ZC3H15: variants seen among roughly 807,000 people sequenced by gnomAD.
The protein encoded by ZC3H15 is zinc finger CCCH-type containing 15, also known as zinc finger CCCH domain-containing protein 15.
ZC3H15 carries 15 observed loss-of-function variants against 51.2 expected under a neutral mutation model. That is an observed-to-expected ratio of 0.29 (90% CI 0.20 to 0.45). ZC3H15 has a LOEUF of 0.45. ZC3H15 is among the 20% of genes least tolerant of loss of function. ZC3H15 has a pLI of 1.00. For missense variants in ZC3H15, 381 were observed against 494.7 expected (o/e 0.77, Z 2.18); for synonymous variants, 144 against 162.8 (o/e 0.88, Z 0.88).
At chr2:186,503,285 C>G (rs1414313581) in intron 5 of ZC3H15, among the ~76,000 whole-genome samples, 1 of 152,192 alleles carries the variant, frequency 6.6e-6, no homozygotes, top group Non-Finnish European at 1.5e-5. Context: ...TGAAGGGTCA[C>G]TCTCTTTGTG....
At chr2:186,506,508 G>C (rs561198210) in intron 8 of ZC3H15, among the ~76,000 whole-genome samples, 1 of 152,110 alleles carries the variant, frequency 6.6e-6, no homozygotes, top group African/African-American at 2.4e-5. Context: ...GCTCAGGCTG[G>C]TCTCAAACTC....
chr2:186,499,248 T>G (rs998471751), intron 2 of ZC3H15, among the ~76,000 whole-genome samples: 4 of 152,106 alleles, frequency 2.6e-5, no homozygotes, highest in Non-Finnish European at 4.4e-5. Context: ...TCTACAAAAC[T>G]TGCCCTCTTG....
rs779132462 is a variant in ZC3H15, at chr2:186,505,778, G to A, written c.903G>A (p.Leu301=). The change falls in exon 8 of 10, where the codon CTG becomes CTA. Residue 301 remains leucine (L), a synonymous_variant. Coordinates refer to ENST00000337859, the MANE Select transcript of ZC3H15 (RefSeq NM_018471.3). ...GREVFEFRPE[L]VNDDDEEADD... ...AAGTGTTTGAATTTCGTCCTGAACT[G>A]GTCAATGATGATGATGAGGAAGCAG... is the stretch of plus-strand genomic sequence containing the variant. The A allele has an allele frequency of 1.8e-5, 29 of 1,613,932 alleles. No homozygotes were observed. The highest frequency in any genetic ancestry group is 2.5e-5 in the Non-Finnish European group (29 of 1,179,996).
intron 5 of ZC3H15, among the ~76,000 whole-genome samples, chr2:186,503,042 C>G (rs761559601): frequency 5.9e-5 from 9 of 151,978 alleles, no homozygotes; most frequent in African/African-American, 9.7e-5. Flanking sequence ...GCTCTAATTC[C>G]AGGAAATGTA....
chr2:186,501,277 A>C lies in ZC3H15; in HGVS notation c.294A>C (p.Ala98=). Residue 98 remains alanine, a synonymous_variant, in exon 4 of 10, where the codon GCA becomes GCC. Coordinates refer to ENST00000337859, the MANE Select transcript of ZC3H15 (RefSeq NM_018471.3). ...ACCATATGCCATTTGACATAGGTGC[A>C]GATCCCAAGTCTGTAGTATGTGCAT... ...VVAAQKISKG[A]DPKSVVCAFF... is the part of the protein sequence containing the mutation. 1 of 1,604,700 alleles carries C rather than the reference A, an allele frequency of 6.2e-7. No individual in the cohort carries two copies. The highest frequency in any genetic ancestry group is 8.5e-7 in the Non-Finnish European group (1 of 1,175,664).
intron 4 of ZC3H15, 58 bp downstream of exon 4, chr2:186,501,483 C>A: frequency 1.4e-6 from 2 of 1,391,680 alleles, no homozygotes; most frequent in East Asian, 2.3e-5. Flanking sequence ...CGGTTTGCTA[C>A]TAAGATATTT....
intron 1 of ZC3H15, among the ~76,000 whole-genome samples, chr2:186,488,163 T>G (rs1238126109): frequency 6.6e-6 from 1 of 152,148 alleles, no homozygotes; most frequent in Non-Finnish European, 1.5e-5. Flanking sequence ...ATATATTATT[T>G]TTTTAATTTA....
At chr2:186,492,723 G>GT (rs1224248751) in intron 1 of ZC3H15, among the ~76,000 whole-genome samples, 1 of 152,026 alleles carries the variant, frequency 6.6e-6, no homozygotes, top group African/African-American at 2.4e-5. Context: ...CAGTACTATT[G>GT]TTTTCTTTTT....
chr2:186,493,143 G>T (rs1169657091), intron 1 of ZC3H15, among the ~76,000 whole-genome samples: 1 of 151,880 alleles, frequency 6.6e-6, no homozygotes, highest in Non-Finnish European at 1.5e-5. Context: ...ACTCAACAAT[G>T]GGAAGCACTA....
chr2:186,505,236 C>G (rs1415746726), intron 6 of ZC3H15: 1 of 322,834 alleles, frequency 3.1e-6, no homozygotes, highest in Non-Finnish European at 5.3e-6. Context: ...GAGAAGAAAT[C>G]TAGCTCAGAA....
chr2:186,495,728 G>C (rs901839676), intron 2 of ZC3H15, among the ~76,000 whole-genome samples: 1 of 152,198 alleles, frequency 6.6e-6, no homozygotes, highest in Non-Finnish European at 1.5e-5. Flanking sequence ...AAGGGAAATG[G>C]ATTTCTAATT....
At chr2:186,507,615 G>GT (rs774484097) in intron 9 of ZC3H15, 56 of 349,784 alleles carry the variant, frequency 1.6e-4, no homozygotes, top group Admixed American at 4.0e-4. Flanking sequence ...CTTGAGTTAG[G>GT]TACTTGAAGA....
chr2:186,494,939 A>C (rs1685258173), intron 1 of ZC3H15, among the ~76,000 whole-genome samples: 1 of 152,140 alleles, frequency 6.6e-6, no homozygotes, highest in South Asian at 2.1e-4. Context: ...CACGTTGTAC[A>C]CATGTACCCT....
intron 1 of ZC3H15, chr2:186,488,764 A>G (rs545758422): frequency 3.9e-5 from 6 of 152,224 alleles, no homozygotes; most frequent in East Asian, 1.9e-4. Flanking sequence ...AGAGTGTCCA[A>G]TCATCTGTAT....
chr2:186,507,834 G>T (rs1429661767), intron 9 of ZC3H15, among the ~76,000 whole-genome samples: 3 of 152,192 alleles, frequency 2.0e-5, no homozygotes, highest in Non-Finnish European at 2.9e-5. Context: ...GCTCTTTGTA[G>T]AAGTAGGGGC....
chr2:186,490,832 G>T (rs192932357), intron 1 of ZC3H15, among the ~76,000 whole-genome samples: 15 of 152,256 alleles, frequency 9.9e-5, no homozygotes, highest in Admixed American at 9.8e-4. Context: ...CTTTTCTTTC[G>T]AGACTCCTCT....
rs375646286 is a variant in ZC3H15, at chr2:186,505,637, C to G, written c.864+40C>G. ...CACCCAAACTGATTCTTTATTCTTC[C>G]ATTTTCAATTTCTGTGTCATGCAAG... On this transcript the variant is annotated intron_variant, in intron 7 of 9. Transcript: ENST00000337859. 2.4e-5 allele frequency: 38 copies of G among 1,598,060 alleles called. No homozygotes were observed. In the African/African-American group the frequency reaches 4.8e-4, roughly 20 times the overall value.
intron 4 of ZC3H15, 104 bp from the exon 5 acceptor site, chr2:186,502,392 T>G: frequency 1.1e-6 from 1 of 929,430 alleles, no homozygotes; most frequent in Non-Finnish European, 1.6e-6. Context: ...AAGAAAAATG[T>G]GTTAAGCCAT....
intron 1 of ZC3H15, among the ~76,000 whole-genome samples, chr2:186,492,589 A>T (rs532380425): frequency 6.6e-6 from 1 of 152,352 alleles, no homozygotes; most frequent in African/African-American, 2.4e-5. Flanking sequence ...CCAATGAGAG[A>T]TAACCATTTA....
Sources: allele counts gnomAD v4.1 joint callset (sites outside exome capture counted in the v4.1 genomes callset), GRCh38; gene constraint gnomAD v4.1.1; transcripts MANE v1.5; gene names NCBI Gene and HGNC (gene_info 2026-07-23, HGNC 2026-07-21).